The following EPHA6 variants were observed in gnomAD, a reference collection of about 807,000 sequenced individuals.
EPHA6 encodes EPH receptor A6.
A neutral mutation model predicts 112.0 loss-of-function variants in EPHA6; 50 were observed. The observed-to-expected ratio is 0.45, with a 90% CI of 0.36 to 0.56. EPHA6 has a LOEUF of 0.56. Among genes scored for constraint, EPHA6 ranks in the 20% least tolerant of loss-of-function variants. The pLI is 0.00. For synonymous variants in EPHA6, 529 were observed against 490.7 expected (o/e 1.08, Z -1.03); for missense variants, 1,280 against 1,417.4 (o/e 0.90, Z 1.56).
intron 11 of EPHA6, among the ~76,000 whole-genome samples, chr3:97,588,263 G>C (rs573940196): frequency 1.3e-5 from 2 of 152,128 alleles, no homozygotes; most frequent in Non-Finnish European, 2.9e-5. Flanking sequence ...TACTGAACAA[G>C]GTGTAACAGA....
chr3:96,970,414 T>G (rs140038416), intron 2 of EPHA6, among the ~76,000 whole-genome samples: 2 of 152,152 alleles, frequency 1.3e-5, no homozygotes, highest in African/African-American at 4.8e-5. Context: ...AAGTCATATG[T>G]TATGTTTCTG....
At chr3:97,441,745 T>C (rs111988447) in intron 6 of EPHA6, among the ~76,000 whole-genome samples, 4,263 of 152,154 alleles carry the variant, frequency 0.028, 187 homozygotes, top group African/African-American at 0.095. Context: ...TAATTATAAG[T>C]GGTCATTGCT....
At chr3:97,052,171 A>G (rs943030507) in intron 3 of EPHA6, among the ~76,000 whole-genome samples, 5 of 152,148 alleles carry the variant, frequency 3.3e-5, no homozygotes, top group Admixed American at 6.6e-5. Context: ...TTCTGGCTCT[A>G]CAGTGCACAC....
At chr3:97,474,091 G>A (rs1232501345) in intron 7 of EPHA6, among the ~76,000 whole-genome samples, 1 of 151,722 alleles carries the variant, frequency 6.6e-6, no homozygotes, top group Non-Finnish European at 1.5e-5. Context: ...TAGACATTCT[G>A]TTGTAGATAT....
intron 3 of EPHA6, among the ~76,000 whole-genome samples, chr3:97,172,315 C>T (rs2076725252): frequency 1.3e-5 from 2 of 151,938 alleles, no homozygotes; most frequent in Non-Finnish European, 2.9e-5. Context: ...CAGTTTCTGA[C>T]ATACAAAGAA....
At chr3:97,205,041 A>G (rs1006570662) in intron 3 of EPHA6, among the ~76,000 whole-genome samples, 2 of 152,096 alleles carry the variant, frequency 1.3e-5, no homozygotes, top group African/African-American at 4.8e-5. Flanking sequence ...CTTCCTTCAA[A>G]CCATCAACTA....
chr3:96,880,091 G>A (rs571037379), intron 2 of EPHA6, among the ~76,000 whole-genome samples: 2 of 152,008 alleles, frequency 1.3e-5, no homozygotes, highest in Admixed American at 6.6e-5. Context: ...CCTATACTCC[G>A]AAAGCTATTA....
Position 97,754,067 on chromosome 3 carries a change from A to C in EPHA6, c.*5366A>C, listed in dbSNP as rs2035963504. 1.3e-5 allele frequency among the ~76,000 whole-genome samples: 2 copies of C among 151,478 alleles called. No individual in the cohort carries two copies. The highest frequency in any genetic ancestry group is 1.3e-4 in the Admixed American group (2 of 15,124). ...ACAATGAGTTTGTATAAAATGTATA[A>C]AAAATAACATTTATATCTTTTTTTT... On this transcript the variant is annotated 3_prime_UTR_variant, in exon 18 of 18. Transcript: ENST00000389672.
chr3:97,513,943 G>A (rs2092406091), intron 10 of EPHA6, among the ~76,000 whole-genome samples: 1 of 152,134 alleles, frequency 6.6e-6, no homozygotes, highest in African/African-American at 2.4e-5. Flanking sequence ...ACAGAAGAAT[G>A]CAAAAGAGAG....
chr3:97,328,054 CAT>C (rs71286029), intron 5 of EPHA6, among the ~76,000 whole-genome samples: 1,674 of 120,860 alleles, frequency 0.014, 93 homozygotes, highest in East Asian at 0.041. Context: ...CATATATACA[CAT>C]ATATATATAT....
chr3:97,082,770 A>C lies in EPHA6; in HGVS notation c.1114+94777A>C, dbSNP rs554885944. On this transcript the variant is annotated intron_variant, in intron 3 of 17. Coordinates refer to ENST00000389672, the MANE Select transcript of EPHA6 (RefSeq NM_001080448.3). ...TAGTCTTTTCTCTGGCCTGGGGCAC[A>C]ATCAGTACTGCATGTTTCTTTTTTC... 3.3e-5 allele frequency among the ~76,000 whole-genome samples: 5 copies of C among 152,086 alleles called. No individual in the cohort carries two copies. In the South Asian group the frequency reaches 1.0e-3, roughly 31 times the overall value.
chr3:97,123,922 A>AGG lies in EPHA6; in HGVS notation c.1115-102341_1115-102340insGG, dbSNP rs2048112176. On this transcript the variant is annotated intron_variant, in intron 3 of 17. Coordinates refer to ENST00000389672, the MANE Select transcript of EPHA6 (RefSeq NM_001080448.3). ...GAGAGGGAGAGACAGAGAGAGAGAG[A>AGG]GAGAGAGATCTCCTGAGTAGTTTAT... Among the ~76,000 whole-genome samples, 4 of 152,158 alleles carry AGG rather than the reference A, an allele frequency of 2.6e-5. No homozygotes were observed. The East Asian group carries it at 7.7e-4, about 29-fold the overall frequency.
chr3:96,983,463 T>A (rs1001234984), intron 2 of EPHA6, among the ~76,000 whole-genome samples: 4 of 152,184 alleles, frequency 2.6e-5, no homozygotes, highest in African/African-American at 9.7e-5. Flanking sequence ...TAATGTGACC[T>A]TTCTCTCTGG....
chr3:96,859,729 TC>T (rs1301741968), intron 1 of EPHA6, among the ~76,000 whole-genome samples: 3 of 152,104 alleles, frequency 2.0e-5, no homozygotes, highest in Non-Finnish European at 4.4e-5. Context: ...GGAAATTATT[TC>T]CCTTTCTGTT....
chr3:97,157,764 T>C (rs1230750205), intron 3 of EPHA6, among the ~76,000 whole-genome samples: 1 of 152,144 alleles, frequency 6.6e-6, no homozygotes, highest in Non-Finnish European at 1.5e-5. Flanking sequence ...GAGTTCCTTC[T>C]TACTCAGACT....
At chr3:97,196,069 C>A (rs183730162) in intron 3 of EPHA6, among the ~76,000 whole-genome samples, 74 of 151,440 alleles carry the variant, frequency 4.9e-4, no homozygotes, top group Non-Finnish European at 8.4e-4. Context: ...AATAAACTTT[C>A]TACCCAGATC....
At chr3:97,559,564 C>T in intron 11 of EPHA6, 1 of 452,642 alleles carries the variant, frequency 2.2e-6, no homozygotes, top group South Asian at 1.6e-5. Flanking sequence ...TGTTGCCTAC[C>T]CTACTCACTT....
chr3:97,168,489 C>T (rs574684526), intron 3 of EPHA6, among the ~76,000 whole-genome samples: 69 of 152,030 alleles, frequency 4.5e-4, no homozygotes, highest in African/African-American at 1.4e-3. Flanking sequence ...TCCCCTTGCA[C>T]GTGTCCATGT....
intron 2 of EPHA6, among the ~76,000 whole-genome samples, chr3:96,982,477 A>G (rs971301510): frequency 6.6e-6 from 1 of 152,138 alleles, no homozygotes; most frequent in African/African-American, 2.4e-5. Flanking sequence ...ACTTCCAACT[A>G]TGTGGTCAAT....
Sources: gnomAD v4.1 joint callset for allele counts (sites outside exome capture counted in the v4.1 genomes callset) on GRCh38, gnomAD v4.1.1 for gene constraint, MANE v1.5 for transcripts, NCBI Gene and HGNC (gene_info 2026-07-23, HGNC 2026-07-21) for gene names.